The following CALB2 variants were observed in gnomAD, a reference collection of about 807,000 sequenced individuals.
CALB2 encodes calretinin.
Under a neutral mutation model 45.9 loss-of-function variants are expected in CALB2, and 34 were observed. The ratio of observed to expected loss-of-function variants is 0.74; its 90% CI spans 0.56 to 0.99. The LOEUF (loss-of-function observed/expected upper bound fraction) is 0.99, where lower values mean the gene tolerates loss of function less well. Among genes scored for constraint, CALB2 ranks in the 50% least tolerant of loss-of-function variants. The pLI is 0.00. For missense variants in CALB2, 344 were observed against 339.3 expected (o/e 1.01, Z -0.11); for synonymous variants, 142 against 129.6 (o/e 1.10, Z -0.65).
chr16:71,389,399 C>G (rs761081825), intron 10 of CALB2: 15 of 458,260 alleles, frequency 3.3e-5, no homozygotes, highest in Non-Finnish European at 6.2e-5. Flanking sequence ...CAATAGCTAC[C>G]TTTTATTTTT....
intron 1 of CALB2, among the ~76,000 whole-genome samples, chr16:71,360,177 T>G (rs1199058259): frequency 6.6e-6 from 1 of 152,184 alleles, no homozygotes; most frequent in Non-Finnish European, 1.5e-5. Flanking sequence ...CCTCCCTTCC[T>G]CGCCTTGGCA....
Position 71,358,786 on chromosome 16 carries a change from G to C in CALB2, c.-7G>C. The C allele has an allele frequency of 6.2e-7, 1 of 1,600,876 alleles. No homozygotes were observed. Among genetic ancestry groups the C allele is most frequent in the Non-Finnish European group, 8.5e-7 (1 of 1,175,122 alleles). On this transcript the variant is annotated 5_prime_UTR_variant, in exon 1 of 11. Transcript: ENST00000302628. ...CGGTGCAGGCTGAGGTCTCCGAGCG[G>C]CTCGCCATGGCTGGCCCGCAGCAGC...
rs1049885800 is a variant in CALB2 at position 71,372,056 on chromosome 16, T to C, written c.95-97T>C. ...CCTAGACACCTGCCTGTTGGCCAGC[T>C]GGGAGAAGACATTCTCCACGAAGCC... On this transcript the variant is annotated intron_variant, in intron 1 of 10. Coordinates refer to ENST00000302628, the MANE Select transcript of CALB2 (RefSeq NM_001740.5). 19 of 872,618 alleles carry C rather than the reference T, an allele frequency of 2.2e-5. No individual in the cohort carries two copies. The African/African-American group carries it at 3.0e-4, about 14-fold the overall frequency. 54.1% of individuals were successfully genotyped at this position (872,618 alleles called of 1,614,324 possible).
chr16:71,366,161 G>T (rs1314021866), intron 1 of CALB2, among the ~76,000 whole-genome samples: 1 of 148,962 alleles, frequency 6.7e-6, no homozygotes, highest in Non-Finnish European at 1.5e-5. Context: ...CAAGTAGATG[G>T]GACTACGTGT....
rs576235923 is a variant in CALB2, at chr16:71,389,600, A to C, written c.700-149A>C. The C allele has an allele frequency of 7.9e-6, 6 of 763,552 alleles. No individual in the cohort carries two copies. In the South Asian group the frequency reaches 8.1e-5, roughly 10 times the overall value. 47.3% of individuals were successfully genotyped at this position (763,552 alleles called of 1,614,324 possible). A position where few individuals can be genotyped will look rare whatever the true frequency, so the allele number is the denominator to read the frequency against. ...TTTAACCTCCATCTGTCTGACTCCA[A>C]AATCCATGCTTTGCATTCATCTAAG... On this transcript the variant is annotated intron_variant, in intron 10 of 10. Transcript: ENST00000302628.
chr16:71,374,849 G>T lies in CALB2; in HGVS notation c.261+15G>T. On this transcript the variant is annotated intron_variant, in intron 3 of 10. Transcript: ENST00000302628. ...AGATGGCAGAGGTGAGCCCTGCCTC[G>T]CTGGTAAAGAGCTGTGTGGGAGGGG... 6.4e-7 allele frequency: 1 copy of T among 1,563,672 alleles called. No homozygotes were observed. Among genetic ancestry groups the T allele is most frequent in the Non-Finnish European group, 8.8e-7 (1 of 1,134,796 alleles).
chr16:71,385,792 C>CTTTTGGTTT lies in CALB2; in HGVS notation c.699+148_699+156dup, dbSNP rs1327204559. ...AGGCAATAGACATTTTGTGGGTTTG[C>CTTTTGGTTT]TTTTGGTTTTTTGATTTCTGGTTGG... On this transcript the variant is annotated intron_variant, in intron 10 of 10. Coordinates refer to ENST00000302628, the MANE Select transcript of CALB2 (RefSeq NM_001740.5). 17 of 611,306 alleles carry CTTTTGGTTT rather than the reference C, an allele frequency of 2.8e-5. No individual in the cohort carries two copies. The East Asian group carries it at 4.9e-4, about 18-fold the overall frequency. 37.9% of individuals were successfully genotyped at this position (611,306 alleles called of 1,614,324 possible). A position where few individuals can be genotyped will look rare whatever the true frequency, so the allele number is the denominator to read the frequency against.
At chr16:71,379,610 C>T (rs1429253170) in intron 4 of CALB2, among the ~76,000 whole-genome samples, 1 of 152,206 alleles carries the variant, frequency 6.6e-6, no homozygotes, top group Non-Finnish European at 1.5e-5. Context: ...CCATACCCAC[C>T]TCACGAACTG....
In CALB2 at chr16:71,374,617, G is replaced by T. The variant is rs952461569; in HGVS notation, c.172-128G>T. The T allele has an allele frequency of 1.9e-4, 123 of 638,748 alleles. No individual in the cohort carries two copies. The Admixed American group carries it at 2.9e-3, about 15-fold the overall frequency. 39.6% of individuals were successfully genotyped at this position (638,748 alleles called of 1,614,324 possible). ...AAAACAACACAGCTCTGATCAATCA[G>T]AGCATCAGCACAACTTGGTTCTGCA... On this transcript the variant is annotated intron_variant, in intron 2 of 10. Transcript: ENST00000302628.
chr16:71,385,795 T>G (rs145915572), intron 10 of CALB2, 147 bp downstream of exon 10: 2 of 605,020 alleles, frequency 3.3e-6, no homozygotes, highest in African/African-American at 3.7e-5. Context: ...GGGTTTGCTT[T>G]TGGTTTTTTG....
chr16:71,368,262 C>T (rs2042309651), intron 1 of CALB2, among the ~76,000 whole-genome samples: 1 of 152,212 alleles, frequency 6.6e-6, no homozygotes, highest in South Asian at 2.1e-4. Flanking sequence ...GTGGCTCACG[C>T]CTGTAATCCC....
In CALB2 at chr16:71,372,243, T is replaced by A; in HGVS notation, c.171+14T>A. The A allele has an allele frequency of 1.3e-6, 2 of 1,596,926 alleles. No individual in the cohort carries two copies. Among genetic ancestry groups the A allele is most frequent in the Non-Finnish European group, 1.7e-6 (2 of 1,167,474 alleles). On this transcript the variant is annotated intron_variant, in intron 2 of 10. Transcript: ENST00000302628. ...GGCTCTGGCATGGTAAGCCCAGCCC[T>A]GTCTCCGATTGTGTGGGATTTTCCT... is the stretch of plus-strand genomic sequence containing the variant.
Position 71,366,676 on chromosome 16 carries a change from G to A in CALB2, c.95-5477G>A, listed in dbSNP as rs548154711. On this transcript the variant is annotated intron_variant, in intron 1 of 10. Transcript: ENST00000302628. ...AAAGCAGTGGTGCTGGAACTCTTCA[G>A]GCTAACGGGTTTTCATCTATAAATT... is the stretch of plus-strand genomic sequence containing the variant. 9.3e-4 allele frequency among the ~76,000 whole-genome samples: 141 copies of A among 152,244 alleles called. 3 individuals carry two copies. Among genetic ancestry groups the A allele is most frequent in the South Asian group, 6.6e-3 (32 of 4,824 alleles).
chr16:71,379,249 C>T (rs2042455529), intron 4 of CALB2, among the ~76,000 whole-genome samples: 4 of 151,354 alleles, frequency 2.6e-5, no homozygotes, highest in South Asian at 2.1e-4. Flanking sequence ...TGCACTCCAG[C>T]CTGGGCGACA....
intron 2 of CALB2, among the ~76,000 whole-genome samples, chr16:71,373,971 A>T (rs911114139): frequency 1.2e-4 from 19 of 152,226 alleles, no homozygotes; most frequent in African/African-American, 4.6e-4. Flanking sequence ...CACACAATTC[A>T]TGTGGAAGTC....
chr16:71,388,420 GTTGT>G (rs1341763805), intron 10 of CALB2, among the ~76,000 whole-genome samples: 9 of 152,008 alleles, frequency 5.9e-5, no homozygotes, highest in African/African-American at 1.7e-4. Context: ...GAAAGAAAAG[GTTGT>G]TTAAGTCATT....
At chr16:71,375,583 G>A (rs916359109) in intron 3 of CALB2, among the ~76,000 whole-genome samples, 1 of 152,146 alleles carries the variant, frequency 6.6e-6, no homozygotes, top group African/African-American at 2.4e-5. Flanking sequence ...TGGTGGCACA[G>A]GCATTAGGGC....
intron 3 of CALB2, among the ~76,000 whole-genome samples, chr16:71,375,089 T>C (rs2042395170): frequency 6.6e-6 from 1 of 152,238 alleles, no homozygotes; most frequent in Non-Finnish European, 1.5e-5. Context: ...ACAGGTATTG[T>C]AACCAAGTGG....
intron 3 of CALB2, among the ~76,000 whole-genome samples, chr16:71,376,367 G>A (rs527721606): frequency 6.6e-6 from 1 of 152,270 alleles, no homozygotes; most frequent in African/African-American, 2.4e-5. Flanking sequence ...CAGGGCTCCC[G>A]CTCTGCCTCC....
Sources: gnomAD v4.1 joint callset for allele counts (sites outside exome capture counted in the v4.1 genomes callset) on GRCh38, gnomAD v4.1.1 for gene constraint, MANE v1.5 for transcripts, NCBI Gene and HGNC (gene_info 2026-07-23, HGNC 2026-07-21) for gene names.